Variants in GPC6 observed in about 807,000 individuals in gnomAD.
GPC6 encodes glypican-6.
GPC6 carries 14 observed loss-of-function variants against 55.2 expected under a neutral mutation model. The observed-to-expected ratio is 0.25, with a 90% CI of 0.17 to 0.40. GPC6 has a LOEUF of 0.40. Among genes scored for constraint, GPC6 ranks in the 10% least tolerant of loss-of-function variants. The pLI is 1.00. For missense variants in GPC6, 641 were observed against 708.5 expected (o/e 0.90, Z 1.08); for synonymous variants, 278 against 259.6 (o/e 1.07, Z -0.68).
In GPC6 at chr13:93,255,593, T is replaced by C. The variant is rs548267363; in HGVS notation, c.160+27977T>C. 3.3e-4 allele frequency among the ~76,000 whole-genome samples: 50 copies of C among 152,320 alleles called. 1 individual carries two copies. The South Asian group carries it at 8.5e-3, about 26-fold the overall frequency. On this transcript the variant is annotated intron_variant, in intron 1 of 8. Transcript: ENST00000377047. ...TCAATGTCATACATACTGATCTTTATAGAATACTGAAGGTGCTGTTTCTTT... is the reference window on the plus strand; with the variant it reads ...TCAATGTCATACATACTGATCTTTACAGAATACTGAAGGTGCTGTTTCTTT...
chr13:94,343,598 G>C (rs922436468), intron 6 of GPC6, among the ~76,000 whole-genome samples: 1 of 152,190 alleles, frequency 6.6e-6, no homozygotes, highest in East Asian at 1.9e-4. Context: ...TTAAGGCTAG[G>C]ATTATTAAGG....
At chr13:93,722,018 T>A (rs1292000692) in intron 2 of GPC6, among the ~76,000 whole-genome samples, 1 of 151,828 alleles carries the variant, frequency 6.6e-6, no homozygotes, top group Admixed American at 6.6e-5. Context: ...TTATTCAGTG[T>A]CTTGGAATTT....
intron 1 of GPC6, among the ~76,000 whole-genome samples, chr13:93,504,699 G>C (rs899019082): frequency 6.6e-6 from 1 of 151,348 alleles, no homozygotes; most frequent in South Asian, 2.1e-4. Context: ...TTCTTAAAAA[G>C]AAAAATAACA....
At chr13:93,268,256 C>G (rs1199947654) in intron 1 of GPC6, among the ~76,000 whole-genome samples, 1 of 152,160 alleles carries the variant, frequency 6.6e-6, no homozygotes, top group African/African-American at 2.4e-5. Flanking sequence ...GGAAGGGAGA[C>G]TTTCCAATGC....
rs142711353 is a variant in GPC6, at chr13:94,213,144, A to G, written c.878-73205A>G. Among the ~76,000 whole-genome samples the G allele has an allele frequency of 8.1e-4, 123 of 152,328 alleles. No homozygotes were observed. In the Middle Eastern group the frequency reaches 0.01, roughly 13 times the overall value. On this transcript the variant is annotated intron_variant, in intron 4 of 8. Coordinates refer to ENST00000377047, the MANE Select transcript of GPC6 (RefSeq NM_005708.5). ...GCACTCCAGCCTGGGTGACATAGCA[A>G]GACTGTGTCTCAAAAAACAAACAAA...
intron 3 of GPC6, among the ~76,000 whole-genome samples, chr13:93,982,903 T>C (rs947597840): frequency 2.0e-5 from 3 of 152,212 alleles, no homozygotes; most frequent in Non-Finnish European, 4.4e-5. Context: ...AGAATGTTTA[T>C]ACTTATATCT....
chr13:93,848,594 A>T (rs565467217), intron 3 of GPC6, among the ~76,000 whole-genome samples: 5 of 152,154 alleles, frequency 3.3e-5, no homozygotes, highest in African/African-American at 1.2e-4. Context: ...TTACTTTTTA[A>T]AAATCTGGGG....
At chr13:94,123,361 A>G (rs1886701268) in intron 4 of GPC6, among the ~76,000 whole-genome samples, 1 of 152,072 alleles carries the variant, frequency 6.6e-6, no homozygotes, top group Non-Finnish European at 1.5e-5. Flanking sequence ...AAATACAAAC[A>G]CTTCCCCAAA....
intron 4 of GPC6, among the ~76,000 whole-genome samples, chr13:94,106,401 G>A (rs960341814): frequency 4.6e-5 from 7 of 152,172 alleles, no homozygotes; most frequent in Non-Finnish European, 1.0e-4. Flanking sequence ...TGGGTAGCGA[G>A]ACAGAGTTTA....
intron 3 of GPC6, among the ~76,000 whole-genome samples, chr13:93,870,291 C>T (rs1889090634): frequency 6.6e-6 from 1 of 151,884 alleles, no homozygotes; most frequent in Non-Finnish European, 1.5e-5. Flanking sequence ...TGTCTTGCTA[C>T]ATGAAGGTGC....
chr13:94,266,564 A>G (rs1348381122), intron 4 of GPC6, among the ~76,000 whole-genome samples: 2 of 134,844 alleles, frequency 1.5e-5, no homozygotes, highest in African/African-American at 2.9e-5. Flanking sequence ...TTTCTTCTCT[A>G]CTTAACTGAC....
chr13:93,943,048 G>T (rs1021787451), intron 3 of GPC6, among the ~76,000 whole-genome samples: 2 of 151,968 alleles, frequency 1.3e-5, no homozygotes, highest in Admixed American at 1.3e-4. Context: ...CCCCCATAAG[G>T]CTCTGCTGCA....
At chr13:93,524,305 A>C (rs1173739337) in intron 1 of GPC6, among the ~76,000 whole-genome samples, 1 of 152,008 alleles carries the variant, frequency 6.6e-6, no homozygotes, top group Non-Finnish European at 1.5e-5. Flanking sequence ...GACAAACAGG[A>C]GTATGCTTCC....
intron 4 of GPC6, among the ~76,000 whole-genome samples, chr13:94,223,344 C>T (rs1051806156): frequency 1.3e-5 from 2 of 152,114 alleles, no homozygotes; most frequent in African/African-American, 2.4e-5. Context: ...AACTGACTTT[C>T]CTTGAGGTCA....
intron 1 of GPC6, among the ~76,000 whole-genome samples, chr13:93,534,200 A>G (rs1881969404): frequency 6.6e-6 from 1 of 152,216 alleles, no homozygotes; most frequent in African/African-American, 2.4e-5. Context: ...ACTCAAGAAA[A>G]AGAAATATTT....
intron 1 of GPC6, among the ~76,000 whole-genome samples, chr13:93,469,556 A>T (rs1365202909): frequency 1.3e-5 from 2 of 152,130 alleles, no homozygotes; most frequent in East Asian, 1.9e-4. Flanking sequence ...AGTGGCCATG[A>T]TAGGAATATG....
chr13:94,278,205 A>G (rs1486978489), intron 4 of GPC6, among the ~76,000 whole-genome samples: 2 of 152,078 alleles, frequency 1.3e-5, no homozygotes, highest in East Asian at 3.9e-4. Context: ...GCAATTGTCA[A>G]TGGGAGTTCA....
chr13:93,622,945 A>G (rs539446547), intron 2 of GPC6, among the ~76,000 whole-genome samples: 8 of 152,282 alleles, frequency 5.3e-5, no homozygotes, highest in East Asian at 1.9e-4. Context: ...GTTAACTACT[A>G]TTCTACTCCA....
chr13:93,632,093 C>A (rs1403348692), intron 2 of GPC6, among the ~76,000 whole-genome samples: 1 of 152,126 alleles, frequency 6.6e-6, no homozygotes, highest in Non-Finnish European at 1.5e-5. Flanking sequence ...TGTCCACCTT[C>A]ATGAAAAGTT....
Sources: gnomAD v4.1 joint callset for allele counts (sites outside exome capture counted in the v4.1 genomes callset) on GRCh38, gnomAD v4.1.1 for gene constraint, MANE v1.5 for transcripts, NCBI Gene and HGNC (gene_info 2026-07-23, HGNC 2026-07-21) for gene names.